Variants in AP3B1 observed in about 807,000 individuals in gnomAD.
AP3B1 encodes adaptor related protein complex 3 subunit beta 1, also known as AP-3 complex subunit beta-1.
In AP3B1, 61 loss-of-function variants were observed where a neutral mutation model predicts 132.5. That is an observed-to-expected ratio of 0.46 (90% CI 0.37 to 0.57). The LOEUF is 0.57. Ranked by LOEUF, AP3B1 falls within the 20% of genes least tolerant of loss-of-function variation. The pLI is 0.00. For synonymous variants in AP3B1, 388 were observed against 438.3 expected, an observed-to-expected ratio of 0.89 and a Z score of 1.43; for missense variants, 1,120 against 1,289.4, an observed-to-expected ratio of 0.87 and a Z score of 2.01.
At chr5:78,226,027 T>C (rs1435074766) in intron 5 of AP3B1, among the ~76,000 whole-genome samples, 2 of 152,114 alleles carry the variant, frequency 1.3e-5, no homozygotes, top group African/African-American at 2.4e-5. Context: ...AAGAATTTTA[T>C]ATCATACTAG....
At chr5:78,155,408 C>T (rs1047352891) in intron 14 of AP3B1, among the ~76,000 whole-genome samples, 1 of 152,124 alleles carries the variant, frequency 6.6e-6, no homozygotes, top group Non-Finnish European at 1.5e-5. Context: ...ACTGTGAGTG[C>T]CCACCTGATT....
chr5:78,033,508 T>C (rs956990730), intron 24 of AP3B1, among the ~76,000 whole-genome samples: 2 of 152,086 alleles, frequency 1.3e-5, no homozygotes, highest in African/African-American at 2.4e-5. Flanking sequence ...TTTTAAAATG[T>C]CTATTTCTAA....
Position 78,225,457 on chromosome 5 carries a change from CA to C in AP3B1, c.603+84del, listed in dbSNP as rs1190528883. 22 of 763,858 alleles carry C rather than the reference CA, an allele frequency of 2.9e-5. No individual in the cohort carries two copies. In the African/African-American group the frequency reaches 3.4e-4, roughly 12 times the overall value. 47.3% of individuals were successfully genotyped at this position (763,858 alleles called of 1,614,324 possible). ...TATACCATTTTGAAATCAATAAATACAACTATATAAAATATATAATGGTAAA... is the reference window on the plus strand; with the variant it reads ...TATACCATTTTGAAATCAATAAATACACTATATAAAATATATAATGGTAAA... On this transcript the variant is annotated intron_variant, in intron 6 of 26. Transcript: ENST00000255194.
intron 2 of AP3B1, among the ~76,000 whole-genome samples, chr5:78,246,934 T>C: frequency 6.6e-6 from 1 of 152,148 alleles, no homozygotes; most frequent in Middle Eastern, 3.2e-3. Flanking sequence ...AAATACTTCT[T>C]TTCAAACATA....
At chr5:78,213,502 C>T (rs1464422561) in intron 7 of AP3B1, among the ~76,000 whole-genome samples, 2 of 152,164 alleles carry the variant, frequency 1.3e-5, no homozygotes, top group Admixed American at 6.5e-5. Flanking sequence ...AAATCTTTCA[C>T]ACTGCTTCTG....
chr5:78,280,447 T>G (rs1192137288), intron 1 of AP3B1, among the ~76,000 whole-genome samples: 1 of 152,218 alleles, frequency 6.6e-6, no homozygotes, highest in Non-Finnish European at 1.5e-5. Context: ...CTTTGTTGGC[T>G]CACATGGCTC....
intron 22 of AP3B1, among the ~76,000 whole-genome samples, chr5:78,076,981 A>C (rs549080595): frequency 2.0e-5 from 3 of 152,256 alleles, no homozygotes; most frequent in African/African-American, 7.2e-5. Flanking sequence ...TTGTTCTAGA[A>C]AATTACTGAA....
chr5:78,200,941 T>TA (rs1255378801), intron 7 of AP3B1, among the ~76,000 whole-genome samples: 4 of 152,050 alleles, frequency 2.6e-5, no homozygotes, highest in Admixed American at 2.0e-4. Context: ...GTGTTTACAT[T>TA]AAAATGAGGC....
chr5:78,241,001 G>A, intron 2 of AP3B1, 65 bp from the exon 3 acceptor site: 1 of 1,182,346 alleles, frequency 8.5e-7, no homozygotes. Flanking sequence ...AGAAGATTAG[G>A]TCAACAAATA....
intron 11 of AP3B1, among the ~76,000 whole-genome samples, chr5:78,173,468 T>C (rs1324949438): frequency 1.3e-5 from 2 of 152,316 alleles, no homozygotes; most frequent in South Asian, 2.1e-4. Context: ...ATATTTAGGA[T>C]AGTTAGCTCT....
At chr5:78,268,983 C>T (rs1240978279) in intron 1 of AP3B1, among the ~76,000 whole-genome samples, 2 of 152,176 alleles carry the variant, frequency 1.3e-5, no homozygotes, top group Non-Finnish European at 2.9e-5. Context: ...GTCACCAAAA[C>T]AGTAAAGATT....
chr5:78,193,748 A>G (rs1199384280), intron 7 of AP3B1, among the ~76,000 whole-genome samples: 42 of 57,024 alleles, frequency 7.4e-4, no homozygotes, highest in African/African-American at 4.1e-3. Context: ...ATTTTTTTAT[A>G]TATATATATA....
At chr5:78,032,391 T>C (rs1239996627) in intron 24 of AP3B1, among the ~76,000 whole-genome samples, 1 of 152,124 alleles carries the variant, frequency 6.6e-6, no homozygotes, top group Non-Finnish European at 1.5e-5. Context: ...GCCATTCTTG[T>C]TTCTTTTTTT....
chr5:78,227,248 A>G, intron 5 of AP3B1, 124 bp downstream of exon 5: 2 of 929,396 alleles, frequency 2.2e-6, no homozygotes, highest in Non-Finnish European at 3.4e-6. Flanking sequence ...ACCATCATAC[A>G]GTCACTGGAT....
chr5:78,089,151 T>C, intron 22 of AP3B1: 1 of 434,930 alleles, frequency 2.3e-6, no homozygotes, highest in Non-Finnish European at 4.2e-6. Flanking sequence ...TACAGATATA[T>C]AACAATACCA....
At chr5:78,128,768 T>A (rs562942022) in intron 16 of AP3B1, among the ~76,000 whole-genome samples, 1 of 152,218 alleles carries the variant, frequency 6.6e-6, no homozygotes, top group African/African-American at 2.4e-5. Flanking sequence ...GAATATTTAC[T>A]TAATAACTCA....
chr5:78,197,772 AT>A (rs1163022056), intron 7 of AP3B1, among the ~76,000 whole-genome samples: 1 of 152,244 alleles, frequency 6.6e-6, no homozygotes, highest in African/African-American at 2.4e-5. Context: ...ATTTTTATGT[AT>A]AAAAATTGAT....
chr5:78,118,018 A>G (rs926189971), intron 17 of AP3B1, among the ~76,000 whole-genome samples: 1 of 152,232 alleles, frequency 6.6e-6, no homozygotes, highest in African/African-American at 2.4e-5. Flanking sequence ...TTCTTATTCA[A>G]GAATGTTTCT....
Position 78,034,455 on chromosome 5 carries a change from A to G in AP3B1, c.2810-10T>C. Reference sequence around the variant, plus strand: ...TCAGGCTCAAGAGAGTCTAGGAAATAAGATAATTTAGACATGAAAACACAG... The same window carrying G: ...TCAGGCTCAAGAGAGTCTAGGAAATGAGATAATTTAGACATGAAAACACAG... On this transcript the variant is annotated splice_polypyrimidine_tract_variant and intron_variant, in intron 23 of 26. Transcript: ENST00000255194. The G allele has an allele frequency of 6.3e-7, 1 of 1,592,866 alleles. No homozygotes were observed. The highest frequency in any genetic ancestry group is 2.2e-5 in the East Asian group (1 of 44,688).
Sources: gnomAD v4.1 joint callset for allele counts (sites outside exome capture counted in the v4.1 genomes callset) on GRCh38, gnomAD v4.1.1 for gene constraint, MANE v1.5 for transcripts, NCBI Gene and HGNC (gene_info 2026-07-23, HGNC 2026-07-21) for gene names.